Variants in ACTR3C observed in about 807,000 individuals in gnomAD.
ACTR3C encodes the protein actin-related protein 3C.
Under a neutral mutation model 26.3 loss-of-function variants are expected in ACTR3C, and 18 were observed. The observed-to-expected ratio is 0.68, with a 90% confidence interval of 0.47 to 1.01. The LOEUF (loss-of-function observed/expected upper bound fraction) is 1.01. Among genes scored for constraint, ACTR3C ranks in the 50% least tolerant of loss-of-function variants. ACTR3C has a pLI of 0.00. For missense variants in ACTR3C, 184 were observed against 250.7 expected (o/e 0.73, Z 1.80); for synonymous variants, 55 against 94.5 (o/e 0.58, Z 2.42).
chr7:150,233,497 G>A, the ACTR3C span, among the ~76,000 whole-genome samples: 3 of 149,862 alleles, frequency 2.0e-5, no homozygotes, highest in Non-Finnish European at 4.4e-5. Flanking sequence ...TTAGTTTCTT[G>A]TTCTTGTTCT....
chr7:150,055,491 GTTT>G, the ACTR3C span, among the ~76,000 whole-genome samples: 2 of 141,822 alleles, frequency 1.4e-5, no homozygotes, highest in Non-Finnish European at 1.5e-5. Context: ...GAGGGAGGGA[GTTT>G]TTTTTTTTTT....
intron 6 of ACTR3C, among the ~76,000 whole-genome samples, chr7:150,260,254 T>C (rs1436510215): frequency 6.6e-6 from 1 of 152,224 alleles, no homozygotes; most frequent in Non-Finnish European, 1.5e-5. Flanking sequence ...ATATGCTTAA[T>C]AATATTCTTT....
intron 6 of ACTR3C, among the ~76,000 whole-genome samples, chr7:150,277,772 G>A (rs1400769845): frequency 6.6e-6 from 1 of 152,064 alleles, no homozygotes; most frequent in East Asian, 1.9e-4. Flanking sequence ...GCCACCTACA[G>A]CCACTTCCCA....
the ACTR3C span, among the ~76,000 whole-genome samples, chr7:150,153,293 G>A: frequency 3.3e-5 from 5 of 151,780 alleles, no homozygotes; most frequent in Admixed American, 1.3e-4. Flanking sequence ...GCAACCTACA[G>A]AATGGGAGAA....
the ACTR3C span, among the ~76,000 whole-genome samples, chr7:149,904,910 C>T: frequency 1.3e-5 from 2 of 151,554 alleles, no homozygotes; most frequent in East Asian, 3.9e-4. Context: ...CCTGTAATTC[C>T]AGCTACTCGG....
chr7:150,010,839 G>A, the ACTR3C span, among the ~76,000 whole-genome samples: 3 of 147,846 alleles, frequency 2.0e-5, no homozygotes, highest in Non-Finnish European at 4.5e-5. Flanking sequence ...AATGAGAAAG[G>A]GGTTGTGTCT....
chr7:150,041,738 GTCCTAAGAGCCA>G, the ACTR3C span, among the ~76,000 whole-genome samples: 1 of 145,588 alleles, frequency 6.9e-6, no homozygotes, highest in Non-Finnish European at 1.5e-5. Context: ...TGCGATGGGG[GTCCTAAGAGCCA>G]GGGGGGGGAA....
At chr7:149,914,288 C>A in the ACTR3C span, among the ~76,000 whole-genome samples, 1 of 151,680 alleles carries the variant, frequency 6.6e-6, no homozygotes, top group Non-Finnish European at 1.5e-5. Flanking sequence ...TCAAACTATG[C>A]AATTAAGAAG....
At chr7:150,132,020 T>G in the ACTR3C span, among the ~76,000 whole-genome samples, 6 of 152,224 alleles carry the variant, frequency 3.9e-5, no homozygotes, top group African/African-American at 1.4e-4. Flanking sequence ...TAGTTGTTTT[T>G]GGTTATACTA....
At chr7:150,224,745 GGAGT>G in the ACTR3C span, among the ~76,000 whole-genome samples, 1 of 152,180 alleles carries the variant, frequency 6.6e-6, no homozygotes, top group Non-Finnish European at 1.5e-5. Flanking sequence ...CTACACTGAA[GGAGT>G]GAGGAGTTGT....
intron 1 of ACTR3C, among the ~76,000 whole-genome samples, chr7:150,317,163 T>C (rs1294466505): frequency 6.6e-6 from 1 of 152,094 alleles, no homozygotes; most frequent in Non-Finnish European, 1.5e-5. Context: ...GTGATTCTCA[T>C]GTCTCAGCCT....
the ACTR3C span, among the ~76,000 whole-genome samples, chr7:149,918,466 G>A: frequency 6.6e-5 from 10 of 152,198 alleles, no homozygotes; most frequent in Non-Finnish European, 1.2e-4. Context: ...CGAGGCAGGC[G>A]GATCACCTGA....
chr7:150,315,219 A>G (rs1796748085), intron 1 of ACTR3C, among the ~76,000 whole-genome samples: 1 of 151,736 alleles, frequency 6.6e-6, no homozygotes, highest in Admixed American at 6.6e-5. Flanking sequence ...AGCAATGACT[A>G]TAAAAGACTG....
At chr7:149,979,361 A>T in the ACTR3C span, among the ~76,000 whole-genome samples, 2 of 152,198 alleles carry the variant, frequency 1.3e-5, no homozygotes, top group Non-Finnish European at 2.9e-5. Flanking sequence ...AGAAACCTAC[A>T]GTGAGGTAAG....
the ACTR3C span, among the ~76,000 whole-genome samples, chr7:149,936,703 G>A: frequency 6.6e-6 from 1 of 152,228 alleles, no homozygotes; most frequent in Non-Finnish European, 1.5e-5. Context: ...ACACCTGGAG[G>A]TCCTGGGTTC....
the ACTR3C span, among the ~76,000 whole-genome samples, chr7:150,216,979 G>A: frequency 8.2e-6 from 1 of 122,414 alleles, no homozygotes; most frequent in East Asian, 2.3e-4. Context: ...AGCGAGACTC[G>A]GTCTCAAAAA....
intron 1 of ACTR3C, among the ~76,000 whole-genome samples, chr7:150,306,329 C>A (rs1194572322): frequency 6.6e-6 from 1 of 151,884 alleles, no homozygotes; most frequent in Non-Finnish European, 1.5e-5. Context: ...GATTAGATGT[C>A]CCTCTAAGTA....
chr7:149,922,676 GT>G, the ACTR3C span, among the ~76,000 whole-genome samples: 2 of 150,938 alleles, frequency 1.3e-5, no homozygotes, highest in Non-Finnish European at 3.0e-5. Flanking sequence ...GGTTAGTTTT[GT>G]TCATTTTTAG....
chr7:150,278,283 T>C (rs35524345), intron 6 of ACTR3C, among the ~76,000 whole-genome samples: 34,618 of 152,152 alleles, frequency 0.23, 6,163 homozygotes, highest in African/African-American at 0.49. Context: ...TCCTGTAGGA[T>C]GGCCGTCAGC....
Sources: allele counts gnomAD v4.1 joint callset (sites outside exome capture counted in the v4.1 genomes callset), GRCh38; gene constraint gnomAD v4.1.1; transcripts MANE v1.5; gene names NCBI Gene and HGNC (gene_info 2026-07-23, HGNC 2026-07-21).